NRXN1: variants seen among roughly 807,000 people sequenced by gnomAD.
The protein encoded by NRXN1 is neurexin 1, also known as neurexin-1.
Under a neutral mutation model 150.9 loss-of-function variants are expected in NRXN1, and 39 were observed. That is an observed-to-expected ratio of 0.26 (90% confidence interval 0.20 to 0.34). NRXN1 has a LOEUF of 0.34. Among genes scored for constraint, NRXN1 ranks in the 10% least tolerant of loss-of-function variants. NRXN1 has a pLI of 1.00. For synonymous variants in NRXN1, 924 were observed against 757.0 expected, an observed-to-expected ratio of 1.22 and a Z score of -3.62; for missense variants, 1,815 against 1,949.9, an observed-to-expected ratio of 0.93 and a Z score of 1.30.
chr2:50,297,146 C>T (rs2073681898), intron 17 of NRXN1, among the ~76,000 whole-genome samples: 1 of 152,112 alleles, frequency 6.6e-6, no homozygotes, highest in Non-Finnish European at 1.5e-5. Flanking sequence ...GCCTCAGCCT[C>T]CCAAAGTGCT....
At chr2:50,713,769 G>T (rs186521173) in intron 5 of NRXN1, among the ~76,000 whole-genome samples, 1 of 152,212 alleles carries the variant, frequency 6.6e-6, no homozygotes, top group South Asian at 2.1e-4. Flanking sequence ...TCAATTTAAA[G>T]ACCTGTTGGT....
At chr2:50,954,083 T>C (rs916701761) in intron 2 of NRXN1, among the ~76,000 whole-genome samples, 2 of 152,170 alleles carry the variant, frequency 1.3e-5, no homozygotes, top group Non-Finnish European at 2.9e-5. Context: ...CTAAAAGACC[T>C]AGAGTATACA....
intron 18 of NRXN1, among the ~76,000 whole-genome samples, chr2:50,159,876 A>G (rs942421166): frequency 1.3e-4 from 20 of 152,194 alleles, no homozygotes; most frequent in African/African-American, 4.8e-4. Context: ...TCACATAATT[A>G]TGCTGTGGAA....
At chr2:50,872,481 G>C (rs1044379704) in intron 5 of NRXN1, among the ~76,000 whole-genome samples, 1 of 151,750 alleles carries the variant, frequency 6.6e-6, no homozygotes, top group African/African-American at 2.4e-5. Context: ...GGAGGTGGTA[G>C]AAAACTCGCA....
rs1424658329 is a variant in NRXN1 at position 49,986,042 on chromosome 2, T to TA, written c.4129-42252dup. Among the ~76,000 whole-genome samples, 167 of 152,286 alleles carry TA rather than the reference T, an allele frequency of 1.1e-3. 1 individual carries two copies. The highest frequency in any genetic ancestry group is 3.9e-3 in the African/African-American group (161 of 41,558). ...TACTCTGAAGACCACTATCATGAATTAAAAAATCCAGTATCACAAATTGTA... is the reference window on the plus strand; with the variant it reads ...TACTCTGAAGACCACTATCATGAATTAAAAAAATCCAGTATCACAAATTGTA... On this transcript the variant is annotated intron_variant, in intron 21 of 22. Coordinates refer to ENST00000401669, the MANE Select transcript of NRXN1 (RefSeq NM_001330078.2).
chr2:50,360,009 G>A (rs905006777), intron 17 of NRXN1, among the ~76,000 whole-genome samples: 8 of 152,284 alleles, frequency 5.3e-5, no homozygotes, highest in Admixed American at 5.2e-4. Flanking sequence ...GCCAAAATAA[G>A]CTTCATAAGT....
chr2:50,382,544 A>G (rs948523578), intron 17 of NRXN1, among the ~76,000 whole-genome samples: 1 of 152,166 alleles, frequency 6.6e-6, no homozygotes, highest in African/African-American at 2.4e-5. Flanking sequence ...CCTGGGCATC[A>G]TCACTTATTT....
chr2:50,388,194 C>T (rs2081450167), intron 17 of NRXN1, among the ~76,000 whole-genome samples: 1 of 152,092 alleles, frequency 6.6e-6, no homozygotes, highest in Non-Finnish European at 1.5e-5. Flanking sequence ...CTGAATTATG[C>T]CATTCATAAT....
chr2:50,992,010 A>G (rs1421372887), intron 2 of NRXN1, among the ~76,000 whole-genome samples: 1 of 151,980 alleles, frequency 6.6e-6, no homozygotes, highest in Non-Finnish European at 1.5e-5. Context: ...TTTCGTCTAA[A>G]AGCCTAAGAC....
At chr2:50,051,254 T>C (rs1401710444) in intron 21 of NRXN1, among the ~76,000 whole-genome samples, 1 of 152,028 alleles carries the variant, frequency 6.6e-6, no homozygotes, top group African/African-American at 2.4e-5. Context: ...AAAATAATAT[T>C]TCTTAATATA....
chr2:50,034,901 G>A (rs1469922054), intron 21 of NRXN1, among the ~76,000 whole-genome samples: 3 of 152,004 alleles, frequency 2.0e-5, no homozygotes, highest in Admixed American at 2.0e-4. Flanking sequence ...GTAGATTTTA[G>A]CAGAGGTGAT....
chr2:50,685,161 A>G (rs918607207), intron 5 of NRXN1, among the ~76,000 whole-genome samples: 2 of 152,216 alleles, frequency 1.3e-5, no homozygotes, highest in African/African-American at 4.8e-5. Context: ...TATTATTTCA[A>G]TTAACTTTCT....
chr2:50,384,146 A>G (rs1409288440), intron 17 of NRXN1, among the ~76,000 whole-genome samples: 1 of 152,182 alleles, frequency 6.6e-6, no homozygotes, highest in Non-Finnish European at 1.5e-5. Context: ...ATCAAGCTTA[A>G]AAAAGAAATT....
rs559434503 is a variant in NRXN1, at chr2:50,541,409, T to G, written c.1760-2773A>C. On this transcript the variant is annotated intron_variant, in intron 9 of 22. Coordinates refer to ENST00000401669, the MANE Select transcript of NRXN1 (RefSeq NM_001330078.2). ...TGGTGCACTGTGTCTGCACTCACTC[T>G]AAGGGGCAAAACGGCTGCCAGGTGG... 1.1e-4 allele frequency among the ~76,000 whole-genome samples: 16 copies of G among 152,278 alleles called. 1 individual carries two copies. In the South Asian group the frequency reaches 2.3e-3, roughly 22 times the overall value.
At chr2:50,918,003 C>G (rs1312519451) in intron 5 of NRXN1, 1 of 151,482 alleles carries the variant, frequency 6.6e-6, no homozygotes, top group African/African-American at 2.4e-5. Context: ...TTAGATATTA[C>G]TCATCAATTA....
intron 17 of NRXN1, among the ~76,000 whole-genome samples, chr2:50,389,130 T>C (rs576685473): frequency 3.3e-5 from 5 of 151,880 alleles, no homozygotes; most frequent in Admixed American, 2.6e-4. Context: ...ACTGTACCAC[T>C]GTACTTGCTA....
intron 21 of NRXN1, among the ~76,000 whole-genome samples, chr2:50,003,800 AATG>A: frequency 6.6e-6 from 1 of 152,286 alleles, no homozygotes; most frequent in South Asian, 2.1e-4. Context: ...ATGGGGAAGA[AATG>A]ATGAGCAATT....
intron 8 of NRXN1, among the ~76,000 whole-genome samples, chr2:50,581,135 A>G (rs1265763511): frequency 2.0e-5 from 3 of 152,210 alleles, no homozygotes; most frequent in Admixed American, 6.5e-5. Flanking sequence ...ATTTATGAAT[A>G]CACAGAAGTT....
At chr2:50,076,344 G>T (rs533854203) in intron 19 of NRXN1, among the ~76,000 whole-genome samples, 3 of 150,360 alleles carry the variant, frequency 2.0e-5, no homozygotes, top group African/African-American at 4.9e-5. Context: ...GCAGTTGCAG[G>T]ATTGCAAAAC....
Sources: gnomAD v4.1 joint callset for allele counts (sites outside exome capture counted in the v4.1 genomes callset) on GRCh38, gnomAD v4.1.1 for gene constraint, MANE v1.5 for transcripts, NCBI Gene and HGNC (gene_info 2026-07-23, HGNC 2026-07-21) for gene names.